Variants in GRK6 observed in about 807,000 individuals in gnomAD.
The protein encoded by GRK6 is G protein-coupled receptor kinase 6.
A neutral mutation model predicts 80.8 loss-of-function variants in GRK6; 37 were observed. That is an observed-to-expected ratio of 0.46 (90% CI 0.35 to 0.60). The LOEUF (loss-of-function observed/expected upper bound fraction) is 0.60. GRK6 is among the 20% of genes least tolerant of loss of function. The pLI is 0.00. For missense variants in GRK6, 560 were observed against 784.6 expected (o/e 0.71, Z 3.42); for synonymous variants, 295 against 320.9 (o/e 0.92, Z 0.86).
At chr5:177,431,142 G>A (rs778652208) in intron 2 of GRK6, among the ~76,000 whole-genome samples, 175 bp downstream of exon 2, 17 of 152,254 alleles carry the variant, frequency 1.1e-4, no homozygotes, top group Non-Finnish European at 2.2e-4. Flanking sequence ...GGGACGGGTG[G>A]AGAGCAGACA....
rs138346437 is a variant in GRK6, at chr5:177,442,645, G to C, written c.*855G>C. On this transcript the variant is annotated 3_prime_UTR_variant, in exon 16 of 16. Coordinates refer to ENST00000355472, the MANE Select transcript of GRK6 (RefSeq NM_001004106.3). ...CAATAATCCGCCCCTTCCTGTGTGC[G>C]CCTGTGGGGTGCGTGCGCGCGCGTG... The C allele has an allele frequency of 6.5e-6, 1 of 152,880 alleles. No individual in the cohort carries two copies. The highest frequency in any genetic ancestry group is 1.9e-4 in the East Asian group (1 of 5,204). The allele number at this position is 152,880 out of a possible 1,614,324, so 9.5% of individuals were successfully genotyped here.
In GRK6 at chr5:177,428,669, TG is replaced by T. The variant is rs1477609535; in HGVS notation, c.52+1774del. On this transcript the variant is annotated intron_variant, in intron 1 of 15. Transcript: ENST00000355472. This position sits in a 1 kb window ranked among gnomAD's most constrained non-coding sequence, Gnocchi z 4.1. ...TGACCTCAAGTGATCCGCCTGCCTCTGGCCTCCCTAATTGCTGGGATTATAG... is the reference window on the plus strand; with the variant it reads ...TGACCTCAAGTGATCCGCCTGCCTCTGCCTCCCTAATTGCTGGGATTATAG... 6.6e-6 allele frequency among the ~76,000 whole-genome samples: 1 copy of T among 152,196 alleles called. No homozygotes were observed. The highest frequency in any genetic ancestry group is 1.5e-5 in the Non-Finnish European group (1 of 68,018).
chr5:177,430,951 G>T lies in GRK6; in HGVS notation c.132G>T (p.Glu44Asp). Reference sequence around the variant, plus strand: ...TCCCTCACATCAGCCAGTGCGAAGAGCTGCGGCTCAGCCTCGGTGAGGCCT... The same window carrying T: ...TCCCTCACATCAGCCAGTGCGAAGATCTGCGGCTCAGCCTCGGTGAGGCCT... The part of the protein sequence containing the change: ...LQFPHISQCE[E>D]LRLSLERDYH... The change falls in exon 2 of 16, where the codon GAG becomes GAT. Residue 44 changes from glutamate (E) to aspartate (D), a missense_variant. By Grantham distance (45) the Glu-to-Asp change is conservative. Transcript: ENST00000355472. The T allele has an allele frequency of 6.2e-7, 1 of 1,613,696 alleles. No homozygotes were observed.
intron 13 of GRK6, among the ~76,000 whole-genome samples, chr5:177,437,791 T>C (rs2127378995): frequency 6.6e-6 from 1 of 152,364 alleles, no homozygotes; most frequent in South Asian, 2.1e-4. Flanking sequence ...GATGAGGTCA[T>C]GTGCTTTCCC....
At chr5:177,433,010 C>A in intron 5 of GRK6, 137 bp from the exon 6 acceptor site, 2 of 809,140 alleles carry the variant, frequency 2.5e-6, no homozygotes, top group Non-Finnish European at 4.1e-6. Context: ...TCTCCCCGCT[C>A]AGGGGTTAGC....
In GRK6 at chr5:177,436,485, C is replaced by T; in HGVS notation, c.1359C>T (p.Phe453=). Residue 453 remains phenylalanine, a synonymous_variant, in exon 13 of 16, where the codon TTC becomes TTT. Transcript: ENST00000355472. ...ACCCCCTCTTTAAGAAGCTGAACTT[C>T]AAGCGGCTGGGAGCTGGCATGCTGG... ...KEHPLFKKLN[F]KRLGAGMLEP... is the part of the protein sequence containing the mutation. The T allele has an allele frequency of 6.2e-7, 1 of 1,610,464 alleles. No homozygotes were observed. The highest frequency in any genetic ancestry group is 1.1e-5 in the South Asian group (1 of 90,660).
intron 9 of GRK6, 93 bp downstream of exon 9, chr5:177,434,197 G>T: frequency 8.1e-7 from 1 of 1,237,914 alleles, no homozygotes; most frequent in Non-Finnish European, 1.1e-6. Context: ...TGCCGATCAG[G>T]CCAGACTACA....
In GRK6 at chr5:177,434,837, G is replaced by T. The variant is rs534201652; in HGVS notation, c.930-65G>T. ...CCCCCGGAGGCGAGTGAGCTGGGGG[G>T]GCTGGCCCCTTCTGACTCCCTGGCA... On this transcript the variant is annotated intron_variant, in intron 9 of 15. Coordinates refer to ENST00000355472, the MANE Select transcript of GRK6 (RefSeq NM_001004106.3). 1.2e-5 allele frequency: 19 copies of T among 1,588,566 alleles called. No homozygotes were observed. The South Asian group carries it at 1.5e-4, about 13-fold the overall frequency.
At chr5:177,432,674 C>T (rs1228219670) in intron 4 of GRK6, 32 bp from the exon 5 acceptor site, 2 of 1,465,550 alleles carry the variant, frequency 1.4e-6, no homozygotes, top group Admixed American at 1.9e-5. Flanking sequence ...CAAGGGAGCC[C>T]CTGCACTGAC....
In GRK6 at chr5:177,436,398, C is replaced by T. The variant is rs758361331; in HGVS notation, c.1272C>T (p.Leu424=). Residue 424 remains leucine, a synonymous_variant, in exon 13 of 16, where the codon CTC becomes CTT. Coordinates refer to ENST00000355472, the MANE Select transcript of GRK6 (RefSeq NM_001004106.3). ...CCGACTCACCCCTGCCACAGCTCCT[C>T]TGCAAGGACCCTGCCGAACGCCTGG... The part of the protein sequence containing the change: ...PQARSLCSQL[L]CKDPAERLGC... The T allele has an allele frequency of 6.3e-7, 1 of 1,586,092 alleles. No homozygotes were observed. Among genetic ancestry groups the T allele is most frequent in the South Asian group, 1.1e-5 (1 of 90,652 alleles).
chr5:177,426,447 A>G (rs1309190561), upstream of GRK6: 2 of 152,120 alleles, frequency 1.3e-5, no homozygotes, highest in Non-Finnish European at 2.9e-5. Flanking sequence ...TAGAAATTCG[A>G]ACCTAGGGGC....
intron 2 of GRK6, chr5:177,431,704 G>A (rs917431175): frequency 2.6e-5 from 12 of 460,198 alleles, no homozygotes; most frequent in Non-Finnish European, 2.0e-5. Flanking sequence ...CGTGACATAC[G>A]CAAGTCGTGT....
intron 13 of GRK6, among the ~76,000 whole-genome samples, chr5:177,440,210 G>A (rs1458673811): frequency 1.3e-5 from 2 of 152,238 alleles, no homozygotes; most frequent in African/African-American, 2.4e-5. Context: ...TGGAGCTGAG[G>A]TGGGCTCCCA....
upstream of GRK6, chr5:177,426,491 G>GAC (rs1763673109): frequency 6.6e-6 from 1 of 152,186 alleles, no homozygotes; most frequent in Admixed American, 6.5e-5. Context: ...AGGAAGAGGT[G>GAC]ACGTGATTGG....
intron 2 of GRK6, 151 bp from the exon 3 acceptor site, chr5:177,431,844 A>AG: frequency 1.4e-6 from 1 of 703,470 alleles, no homozygotes; most frequent in East Asian, 2.6e-5. Flanking sequence ...TGCCCACCTG[A>AG]GGGTTGTGGT....
Position 177,426,906 on chromosome 5 carries a change from G to GCCGGGTGGGCGGCCGGGC in GRK6, c.52+17_52+34dup, listed in dbSNP as rs1763695563. On this transcript the variant is annotated intron_variant, in intron 1 of 15. Coordinates refer to ENST00000355472, the MANE Select transcript of GRK6 (RefSeq NM_001004106.3). The stretch of plus-strand genomic sequence containing the variant: ...ACTCAAGGCCCGGGAAGGTGAGGCG[G>GCCGGGTGGGCGGCCGGGC]CCGGGTGGGCGGCCGGGCCCGGGTG... The GCCGGGTGGGCGGCCGGGC allele has an allele frequency of 1.4e-6, 2 of 1,382,286 alleles. No individual in the cohort carries two copies. The highest frequency in any genetic ancestry group is 1.7e-5 in the South Asian group (1 of 58,928). 85.6% of individuals were successfully genotyped at this position (1,382,286 alleles called of 1,614,324 possible).
intron 9 of GRK6, 90 bp downstream of exon 9, chr5:177,434,194 C>T (rs1764037659): frequency 1.6e-6 from 2 of 1,258,492 alleles, no homozygotes; most frequent in Non-Finnish European, 1.1e-6. Flanking sequence ...GGCTGCCGAT[C>T]AGGCCAGACT....
intron 2 of GRK6, chr5:177,431,699 C>T: frequency 4.4e-6 from 2 of 450,708 alleles, no homozygotes; most frequent in South Asian, 4.4e-5. Flanking sequence ...AGTACCGTGA[C>T]ATACGCAAGT....
Position 177,430,910 on chromosome 5 carries a change from C to T in GRK6, c.91C>T (p.Arg31Trp). 5 of 1,614,048 alleles carry T rather than the reference C, an allele frequency of 3.1e-6. No homozygotes were observed. The highest frequency in any genetic ancestry group is 4.2e-6 in the Non-Finnish European group (5 of 1,179,984). Residue 31 changes from arginine (R) to tryptophan (W), a missense_variant, in exon 2 of 16, where the codon CGG (arginine) becomes TGG (tryptophan). Transcript: ENST00000355472. ...GNRKGKSKKW[R>W]QMLQFPHISQ... ...TCGCAAAGGCAAAAGCAAGAAATGGCGGCAGATGCTCCAGTTCCCTCACAT... is the reference window on the plus strand; with the variant it reads ...TCGCAAAGGCAAAAGCAAGAAATGGTGGCAGATGCTCCAGTTCCCTCACAT...
Sources: allele counts gnomAD v4.1 joint callset (sites outside exome capture counted in the v4.1 genomes callset), GRCh38; gene constraint gnomAD v4.1.1; non-coding constraint Gnocchi (gnomAD v3.1); transcripts MANE v1.5; gene names NCBI Gene and HGNC (gene_info 2026-07-23, HGNC 2026-07-21).